Variants in HSF4 observed in about 807,000 individuals in gnomAD.
HSF4 encodes the protein heat shock transcription factor 4.
A neutral mutation model predicts 52.0 loss-of-function variants in HSF4; 41 were observed. The ratio of observed to expected loss-of-function variants is 0.79; its 90% CI spans 0.61 to 1.02. The LOEUF (loss-of-function observed/expected upper bound fraction) is 1.02. Ranked by LOEUF, HSF4 falls within the 50% of genes least tolerant of loss-of-function variation. The pLI, the probability that HSF4 is intolerant of heterozygous loss-of-function variation, is 0.00. For missense variants in HSF4, 610 were observed against 651.1 expected (o/e 0.94, Z 0.69); for synonymous variants, 285 against 273.0 (o/e 1.04, Z -0.43).
intron 9 of HSF4, 110 bp from the exon 10 acceptor site, chr16:67,168,721 C>T: frequency 1.2e-6 from 1 of 843,134 alleles, no homozygotes; most frequent in Non-Finnish European, 2.0e-6. Context: ...TGGGGATCCT[C>T]TCCTATCATT....
In HSF4 at chr16:67,167,830, C is replaced by A; in HGVS notation, c.965C>A (p.Pro322Gln). 2 of 1,597,514 alleles carry A rather than the reference C, an allele frequency of 1.3e-6. No individual in the cohort carries two copies. The highest frequency in any genetic ancestry group is 4.5e-5 in the East Asian group (2 of 44,002). ...TGTGACTTCTGCGTGACAGCCCCCC[C>A]GCCACTGCCTGTGGCTGTGGTGCAG... ...NECDFCVTAP[P>Q]PLPVAVVQAI... is the part of the protein sequence containing the mutation. The change falls in exon 9 of 13, where the codon CCG (proline) becomes CAG (glutamine). Residue 322 changes from proline (P) to glutamine (Q), a missense_variant. By Grantham distance (76) the Pro-to-Gln change is moderately conservative. Coordinates refer to ENST00000521374, the MANE Select transcript of HSF4 (RefSeq NM_001374675.1).
At chr16:67,163,815 G>A (rs2145915390), upstream of HSF4, 3 of 1,544,736 alleles carry the variant, frequency 1.9e-6, no homozygotes, top group South Asian at 1.2e-5. Flanking sequence ...TACGCTCGTG[G>A]CGTGATTGGG....
chr16:67,165,658 G>A lies in HSF4; in HGVS notation c.232+28G>A, dbSNP rs1011901464. Reference sequence around the variant, plus strand: ...GAGTCCCTACGGCCGGGCGGGGAGCGGGGATGGGGGACTCGGTGCCGGGGA... The same window carrying A: ...GAGTCCCTACGGCCGGGCGGGGAGCAGGGATGGGGGACTCGGTGCCGGGGA... On this transcript the variant is annotated intron_variant, in intron 2 of 12. Coordinates refer to ENST00000521374, the MANE Select transcript of HSF4 (RefSeq NM_001374675.1). This position sits in a 1 kb window ranked among gnomAD's most constrained non-coding sequence, Gnocchi z 6.9. 2 of 1,612,624 alleles carry A rather than the reference G, an allele frequency of 1.2e-6. No homozygotes were observed. The highest frequency in any genetic ancestry group is 1.3e-5 in the African/African-American group (1 of 75,052).
At chr16:67,163,802 G>A (rs772347492), upstream of HSF4, 1 of 1,557,338 alleles carries the variant, frequency 6.4e-7, no homozygotes, top group South Asian at 1.2e-5. Context: ...ATCCCTGGAG[G>A]CCTACGCTCG....
rs371519328 is a variant in HSF4, at chr16:67,165,641, A to G, written c.232+11A>G. ...GCCAACTCAACATGTGTGAGTCCCTACGGCCGGGCGGGGAGCGGGGATGGG... is the reference window on the plus strand; with the variant it reads ...GCCAACTCAACATGTGTGAGTCCCTGCGGCCGGGCGGGGAGCGGGGATGGG... On this transcript the variant is annotated intron_variant, in intron 2 of 12. Transcript: ENST00000521374. This position sits in a 1 kb window ranked among gnomAD's most constrained non-coding sequence, Gnocchi z 6.9. 15 of 1,601,966 alleles carry G rather than the reference A, an allele frequency of 9.4e-6. No individual in the cohort carries two copies. Among genetic ancestry groups the G allele is most frequent in the African/African-American group, 2.7e-5 (2 of 74,512 alleles).
chr16:67,169,877 C>T lies in HSF4; in HGVS notation c.*92C>T. On this transcript the variant is annotated 3_prime_UTR_variant, in exon 13 of 13. Coordinates refer to ENST00000521374, the MANE Select transcript of HSF4 (RefSeq NM_001374675.1). This position sits in a 1 kb window ranked among gnomAD's most constrained non-coding sequence, Gnocchi z 4.3. ...CCCCCTATCGGGGGTGAGCGAAGCC[C>T]CCACTACTAAATGGCCTCTCTCCAC... is the stretch of plus-strand genomic sequence containing the variant. The T allele has an allele frequency of 1.4e-6, 2 of 1,383,298 alleles. No homozygotes were observed. Among genetic ancestry groups the T allele is most frequent in the Non-Finnish European group, 2.1e-6 (2 of 974,932 alleles). 85.7% of individuals were successfully genotyped at this position (1,383,298 alleles called of 1,614,324 possible).
chr16:67,167,543 A>T lies in HSF4; in HGVS notation c.798A>T (p.Pro266=), dbSNP rs780246351. Reference sequence around the variant, plus strand: ...GGGGCCCCATCATCTCTGACATCCCAGAAGACTCTCCATCCCCTGAGGGGA... The same window carrying T: ...GGGGCCCCATCATCTCTGACATCCCTGAAGACTCTCCATCCCCTGAGGGGA... ...RARGPIISDI[P]EDSPSPEGTR... The change falls in exon 8 of 13, where the codon CCA becomes CCT. Residue 266 remains proline (P), a synonymous_variant. Coordinates refer to ENST00000521374, the MANE Select transcript of HSF4 (RefSeq NM_001374675.1). The T allele has an allele frequency of 1.9e-6, 3 of 1,613,764 alleles. No individual in the cohort carries two copies. Among genetic ancestry groups the T allele is most frequent in the Non-Finnish European group, 2.5e-6 (3 of 1,179,990 alleles).
rs942999418 is a variant in HSF4 at position 67,169,703 on chromosome 16, T to C, written c.1397T>C (p.Leu466Pro). The stretch of plus-strand genomic sequence containing the variant: ...GCCTTGGGAGGCCCAGCCCTGGGCC[T>C]GCCTGGGGCTTTAACCATTTATAGC... ...QAALGGPALG[L>P]PGALTIYSTP... The change falls in exon 13 of 13, where the codon CTG becomes CCG. Residue 466 changes from leucine (L) to proline (P), a missense_variant. Physicochemically the swap from Leu to Pro is moderately conservative, Grantham distance 98. Coordinates refer to ENST00000521374, the MANE Select transcript of HSF4 (RefSeq NM_001374675.1). This position sits in a 1 kb window ranked among gnomAD's most constrained non-coding sequence, Gnocchi z 4.3. The C allele has an allele frequency of 6.2e-7, 1 of 1,613,010 alleles. No individual in the cohort carries two copies. Among genetic ancestry groups the C allele is most frequent in the Admixed American group, 1.7e-5 (1 of 60,030 alleles).
chr16:67,163,927 G>GC, upstream of HSF4: 10 of 1,478,416 alleles, frequency 6.8e-6, no homozygotes, highest in Admixed American at 6.2e-5. Context: ...TGGGATTGTT[G>GC]CCCCCCGGGT....
chr16:67,164,390 T>G (rs1408352221), upstream of HSF4: 2 of 417,398 alleles, frequency 4.8e-6, no homozygotes, highest in Non-Finnish European at 9.7e-6. Context: ...CCCCTTCCTA[T>G]CTGCTTGCCC....
upstream of HSF4, chr16:67,163,876 G>GGT (rs2145915552): frequency 1.3e-6 from 2 of 1,527,390 alleles, no homozygotes; most frequent in East Asian, 2.3e-5. Flanking sequence ...GAGGGAACGG[G>GGT]GGGGGTGTCC....
upstream of HSF4, chr16:67,164,095 G>T (rs1282851246): frequency 2.9e-6 from 2 of 685,742 alleles, no homozygotes; most frequent in Admixed American, 2.1e-5. Flanking sequence ...GCAGCTCCGC[G>T]GCCCCGGCGC....
upstream of HSF4, chr16:67,164,662 C>G (rs1369905569): frequency 1.1e-6 from 1 of 897,978 alleles, no homozygotes; most frequent in African/African-American, 1.7e-5. Flanking sequence ...GCTGTCCGAG[C>G]CCCGCCCCGC....
At chr16:67,166,121 A>C in intron 4 of HSF4, 51 bp downstream of exon 4, 1 of 1,503,522 alleles carries the variant, frequency 6.7e-7, no homozygotes, top group Non-Finnish European at 8.9e-7. Context: ...GTTCGGGATG[A>C]GACCATAACT....
In HSF4 at chr16:67,169,132, AG is replaced by A. The variant is rs1169907206; in HGVS notation, c.1254+35del. 2.5e-6 allele frequency: 4 copies of A among 1,609,478 alleles called. No individual in the cohort carries two copies. The highest frequency in any genetic ancestry group is 3.4e-6 in the Non-Finnish European group (4 of 1,178,904). ...AAGTGGGTCGGGGAGGGCAGAGGCC[AG>A]GGGTGGCTGAGTCAAGCCCTCTGGT... is the stretch of plus-strand genomic sequence containing the variant. On this transcript the variant is annotated intron_variant, in intron 11 of 12. Coordinates refer to ENST00000521374, the MANE Select transcript of HSF4 (RefSeq NM_001374675.1). This position sits in a 1 kb window ranked among gnomAD's most constrained non-coding sequence, Gnocchi z 4.3.
At chr16:67,167,450 G>A in intron 7 of HSF4, 25 bp from the exon 8 acceptor site, 1 of 1,613,768 alleles carries the variant, frequency 6.2e-7, no homozygotes, top group Non-Finnish European at 8.5e-7. Flanking sequence ...CAGGCCAAGG[G>A]CTGGGCCTAG....
upstream of HSF4, chr16:67,164,704 G>T: frequency 7.4e-7 from 1 of 1,348,054 alleles, no homozygotes; most frequent in South Asian, 1.6e-5. Context: ...CTGACCCGGC[G>T]CCCCGGGGCG....
chr16:67,165,633 G>A lies in HSF4; in HGVS notation c.232+3G>A, dbSNP rs1372791538. On this transcript the variant is annotated splice_donor_region_variant and intron_variant, in intron 2 of 12. Transcript: ENST00000521374. This position sits in a 1 kb window ranked among gnomAD's most constrained non-coding sequence, Gnocchi z 6.9. ...CTTCGTGCGCCAACTCAACATGTGTGAGTCCCTACGGCCGGGCGGGGAGCG... is the reference window on the plus strand; with the variant it reads ...CTTCGTGCGCCAACTCAACATGTGTAAGTCCCTACGGCCGGGCGGGGAGCG... 1 of 1,612,908 alleles carries A rather than the reference G, an allele frequency of 6.2e-7. No homozygotes were observed. The highest frequency in any genetic ancestry group is 2.2e-5 in the East Asian group (1 of 44,864).
chr16:67,169,496 C>A lies in HSF4; in HGVS notation c.1325-135C>A. On this transcript the variant is annotated intron_variant, in intron 12 of 12. Transcript: ENST00000521374. This position sits in a 1 kb window ranked among gnomAD's most constrained non-coding sequence, Gnocchi z 4.3. ...TTCCTTGAGCCACCCATGCCCTCAC[C>A]ATTGGGCGAGAGTGGGGAGGTTAAG... 6.3e-7 allele frequency: 1 copy of A among 1,581,800 alleles called. No individual in the cohort carries two copies. Among genetic ancestry groups the A allele is most frequent in the East Asian group, 2.3e-5 (1 of 43,576 alleles).
Sources: allele counts gnomAD v4.1 joint callset, GRCh38; gene constraint gnomAD v4.1.1; non-coding constraint Gnocchi (gnomAD v3.1); transcripts MANE v1.5; gene names NCBI Gene and HGNC (gene_info 2026-07-23, HGNC 2026-07-21).